The following FGF14 variants were observed in gnomAD, a reference collection of about 807,000 sequenced individuals.
FGF14 encodes the protein fibroblast growth factor 14, also known as fibroblast growth factor homologous factor 4.
A neutral mutation model predicts 25.5 loss-of-function variants in FGF14; 5 were observed. The observed-to-expected ratio is 0.20, with a 90% CI of 0.10 to 0.41. The LOEUF is 0.41. FGF14 is among the 10% of genes least tolerant of loss of function. The probability of loss-of-function intolerance (pLI) is 1.00; values close to 1 mark genes in which losing one functional copy is unlikely to be tolerated. For missense variants in FGF14, 222 were observed against 320.1 expected, an observed-to-expected ratio of 0.69 and a Z score of 2.34; for synonymous variants, 138 against 118.3, an observed-to-expected ratio of 1.17 and a Z score of -1.08.
intron 1 of FGF14, among the ~76,000 whole-genome samples, chr13:102,185,729 A>G (rs1202453937): frequency 6.6e-6 from 1 of 152,196 alleles, no homozygotes; most frequent in African/African-American, 2.4e-5. Flanking sequence ...GAACACCTGT[A>G]TTTGGAGATG....
At chr13:102,220,398 A>C (rs1208231540) in intron 1 of FGF14, among the ~76,000 whole-genome samples, 1 of 152,254 alleles carries the variant, frequency 6.6e-6, no homozygotes, top group Non-Finnish European at 1.5e-5. Context: ...CTAGATCTAC[A>C]CATAAAATCC....
intron 1 of FGF14, among the ~76,000 whole-genome samples, chr13:101,937,644 A>G (rs939503407): frequency 1.3e-5 from 2 of 152,124 alleles, no homozygotes; most frequent in African/African-American, 4.8e-5. Context: ...CTCCAGGCTG[A>G]AGTGCAGTGA....
chr13:102,108,705 T>C (rs1185731569), intron 1 of FGF14, among the ~76,000 whole-genome samples: 1 of 152,226 alleles, frequency 6.6e-6, no homozygotes, highest in Non-Finnish European at 1.5e-5. Flanking sequence ...ACAGCCCTTG[T>C]TCATAGATGT....
intron 1 of FGF14, among the ~76,000 whole-genome samples, chr13:102,397,852 C>A (rs1466693125): frequency 2.0e-5 from 3 of 152,134 alleles, no homozygotes; most frequent in Admixed American, 6.5e-5. Flanking sequence ...ACCTATGAAG[C>A]CTCCTTCAAG....
At chr13:101,745,829 T>A (rs1186572008) in intron 3 of FGF14, among the ~76,000 whole-genome samples, 1 of 151,764 alleles carries the variant, frequency 6.6e-6, no homozygotes, top group Admixed American at 6.6e-5. Flanking sequence ...AGAACCTACA[T>A]ATGGAGGTGA....
chr13:102,237,545 G>C (rs1276643558), intron 1 of FGF14, among the ~76,000 whole-genome samples: 1 of 144,814 alleles, frequency 6.9e-6, no homozygotes, highest in Non-Finnish European at 1.5e-5. Flanking sequence ...AGGAGTATTT[G>C]CACCAGATTT....
intron 3 of FGF14, among the ~76,000 whole-genome samples, chr13:101,734,633 A>C (rs1250190124): frequency 3.9e-5 from 6 of 152,136 alleles, no homozygotes; most frequent in African/African-American, 1.4e-4. Context: ...CTCAATATTA[A>C]CAATAATAAT....
At chr13:102,025,412 A>G (rs2040873270) in intron 1 of FGF14, among the ~76,000 whole-genome samples, 1 of 151,874 alleles carries the variant, frequency 6.6e-6, no homozygotes, top group African/African-American at 2.4e-5. Flanking sequence ...GTGAACAAGT[A>G]TTGTACTTTT....
chr13:102,042,812 T>A (rs866274371), intron 1 of FGF14, among the ~76,000 whole-genome samples: 37 of 152,326 alleles, frequency 2.4e-4, no homozygotes, highest in Admixed American at 4.6e-4. Flanking sequence ...ATGATTTTAT[T>A]CAAAAGGCAG....
chr13:101,935,768 G>GC (rs1224569038), intron 1 of FGF14, among the ~76,000 whole-genome samples: 1 of 152,016 alleles, frequency 6.6e-6, no homozygotes, highest in African/African-American at 2.4e-5. Context: ...AGAAACATAT[G>GC]CCCCCCAAAA....
intron 1 of FGF14, among the ~76,000 whole-genome samples, chr13:101,999,238 A>T (rs1485373931): frequency 6.6e-6 from 1 of 152,240 alleles, no homozygotes; most frequent in African/African-American, 2.4e-5. Context: ...GTGATAAGAA[A>T]CACTGAAAGA....
At chr13:102,286,703 G>C (rs9554865) in intron 1 of FGF14, among the ~76,000 whole-genome samples, 23,822 of 152,042 alleles carry the variant, frequency 0.16, 2,143 homozygotes, top group East Asian at 0.38. Flanking sequence ...TTTCACTGTT[G>C]AGTCAGTAAT....
chr13:101,954,439 T>G (rs887366112), intron 1 of FGF14, among the ~76,000 whole-genome samples: 3 of 152,218 alleles, frequency 2.0e-5, no homozygotes, highest in Admixed American at 1.3e-4. Context: ...TCTTCTAAAT[T>G]TTTGAAGAAA....
At chr13:102,148,613 A>G (rs184150338) in intron 1 of FGF14, among the ~76,000 whole-genome samples, 273 of 152,296 alleles carry the variant, frequency 1.8e-3, no homozygotes, top group African/African-American at 3.5e-3. Flanking sequence ...GCTCGCGACC[A>G]GCCTGGGCAA....
At chr13:102,196,724 T>C (rs1202485837) in intron 1 of FGF14, among the ~76,000 whole-genome samples, 1 of 152,180 alleles carries the variant, frequency 6.6e-6, no homozygotes, top group Non-Finnish European at 1.5e-5. Flanking sequence ...AATTTTGAAA[T>C]ATGTAATGCA....
intron 1 of FGF14, among the ~76,000 whole-genome samples, chr13:102,252,566 C>CCT (rs1417487077): frequency 2.0e-5 from 3 of 152,092 alleles, no homozygotes; most frequent in Non-Finnish European, 2.9e-5. Context: ...TCAATCATCT[C>CCT]CAGATGAGTT....
At chr13:102,297,432 G>A (rs184076823) in intron 1 of FGF14, among the ~76,000 whole-genome samples, 1 of 152,176 alleles carries the variant, frequency 6.6e-6, no homozygotes, top group East Asian at 1.9e-4. Context: ...GCTTTAGTTA[G>A]TAATAATGTA....
chr13:102,396,030 G>A (rs1330296412), intron 1 of FGF14, among the ~76,000 whole-genome samples: 1 of 152,180 alleles, frequency 6.6e-6, no homozygotes, highest in Non-Finnish European at 1.5e-5. Flanking sequence ...TGCATCTCTA[G>A]AGGTATACGG....
intron 3 of FGF14, among the ~76,000 whole-genome samples, chr13:101,853,990 A>G (rs899370655): frequency 5.9e-5 from 9 of 152,082 alleles, no homozygotes; most frequent in African/African-American, 2.2e-4. Context: ...CACAACCATC[A>G]TATTTGCTGA....
Sources: allele counts gnomAD v4.1 joint callset (sites outside exome capture counted in the v4.1 genomes callset), GRCh38; gene constraint gnomAD v4.1.1; transcripts MANE v1.5; gene names NCBI Gene and HGNC (gene_info 2026-07-23, HGNC 2026-07-21).